CCDC60: variants seen among roughly 807,000 people sequenced by gnomAD.
CCDC60 encodes the protein coiled-coil domain-containing protein 60.
A neutral mutation model predicts 63.5 loss-of-function variants in CCDC60; 54 were observed. The ratio of observed to expected loss-of-function variants is 0.85; its 90% CI spans 0.68 to 1.07. CCDC60 has a LOEUF of 1.07. Among genes scored for constraint, CCDC60 ranks in the 50% least tolerant of loss-of-function variants. The probability of loss-of-function intolerance (pLI) is 0.00; values close to 1 mark genes in which losing one functional copy is unlikely to be tolerated. For missense variants in CCDC60, 651 were observed against 684.3 expected, an observed-to-expected ratio of 0.95 and a Z score of 0.54; for synonymous variants, 206 against 238.8, an observed-to-expected ratio of 0.86 and a Z score of 1.27.
chr12:119,346,792 C>CTT (rs1328619930), intron 1 of CCDC60, among the ~76,000 whole-genome samples: 1 of 116,488 alleles, frequency 8.6e-6, no homozygotes, highest in Non-Finnish European at 1.9e-5. Context: ...TTCTTTCTTT[C>CTT]TTTCTTTCTT....
chr12:119,505,816 C>T (rs745564906), intron 7 of CCDC60, among the ~76,000 whole-genome samples: 1 of 152,188 alleles, frequency 6.6e-6, no homozygotes, highest in Non-Finnish European at 1.5e-5. Context: ...GATCATGCCA[C>T]TGCACTCCAG....
chr12:119,362,112 A>G (rs1955797210), intron 1 of CCDC60, among the ~76,000 whole-genome samples: 1 of 152,166 alleles, frequency 6.6e-6, no homozygotes. Flanking sequence ...CATCTATCTT[A>G]TATCTATAGC....
chr12:119,398,083 C>T (rs1448796779), intron 1 of CCDC60, among the ~76,000 whole-genome samples: 4 of 40,164 alleles, frequency 1.0e-4, no homozygotes, highest in Non-Finnish European at 1.8e-4. Flanking sequence ...GAAGGGGCCG[C>T]GGGGGGAGGA....
At chr12:119,398,234 G>C (rs1189389668) in intron 1 of CCDC60, among the ~76,000 whole-genome samples, 1 of 151,770 alleles carries the variant, frequency 6.6e-6, no homozygotes, top group African/African-American at 2.4e-5. Flanking sequence ...GGTGCGGGCA[G>C]GCCGGCAGTG....
chr12:119,445,000 AAT>A (rs1476331488), intron 2 of CCDC60, among the ~76,000 whole-genome samples: 1 of 151,994 alleles, frequency 6.6e-6, no homozygotes, highest in Non-Finnish European at 1.5e-5. Context: ...TGTGGAAGGC[AAT>A]GTTTCCCCAA....
intron 1 of CCDC60, among the ~76,000 whole-genome samples, chr12:119,416,846 C>T (rs749443433): frequency 1.3e-5 from 2 of 152,060 alleles, no homozygotes; most frequent in African/African-American, 2.4e-5. Flanking sequence ...CCCGGCCGGT[C>T]GACGTGGCTC....
intron 5 of CCDC60, among the ~76,000 whole-genome samples, chr12:119,497,463 A>G (rs1299655084): frequency 2.0e-5 from 3 of 152,196 alleles, no homozygotes; most frequent in African/African-American, 7.2e-5. Flanking sequence ...CGAGCTTTTT[A>G]AGGTCTGTGG....
In CCDC60 at chr12:119,386,798, G is replaced by A. The variant is rs149571093; in HGVS notation, c.91-41885G>A. ...CTGGAAGGCAATTACGAAACAGTCC[G>A]TGCCTACAACTCAGTCATTACCAAC... On this transcript the variant is annotated intron_variant, in intron 1 of 13. Coordinates refer to ENST00000327554, the MANE Select transcript of CCDC60 (RefSeq NM_178499.5). 1.3e-3 allele frequency among the ~76,000 whole-genome samples: 192 copies of A among 152,248 alleles called. 1 individual carries two copies. The highest frequency in any genetic ancestry group is 4.3e-3 in the African/African-American group (179 of 41,538).
chr12:119,468,401 A>T lies in CCDC60; in HGVS notation c.171-3593A>T, dbSNP rs114637449. ...CACTCATTTGCTTTTGCACAATTTT[A>T]TACATAAGAAAACTGAGAGATTATT... On this transcript the variant is annotated intron_variant, in intron 2 of 13. Transcript: ENST00000327554. 2.6e-5 allele frequency among the ~76,000 whole-genome samples: 4 copies of T among 152,356 alleles called. No individual in the cohort carries two copies. In the South Asian group the frequency reaches 8.3e-4, roughly 32 times the overall value.
intron 6 of CCDC60, 83 bp from the exon 7 acceptor site, chr12:119,504,986 C>G: frequency 1.9e-6 from 2 of 1,042,410 alleles, no homozygotes; most frequent in Non-Finnish European, 2.8e-6. Flanking sequence ...TCCCTCCCCA[C>G]CTTCCTCCTT....
chr12:119,507,572 AT>A (rs1952063036), intron 7 of CCDC60, among the ~76,000 whole-genome samples: 1 of 37,572 alleles, frequency 2.7e-5, no homozygotes, highest in Non-Finnish European at 3.9e-5. Context: ...ATATATATGT[AT>A]ATATACACAT....
intron 8 of CCDC60, among the ~76,000 whole-genome samples, chr12:119,519,855 A>T (rs693556): frequency 0.38 from 48,717 of 126,676 alleles, 8,268 homozygotes; most frequent in East Asian, 0.68. Context: ...AGAGAGAGAG[A>T]GTGTGTGTGT....
At chr12:119,379,556 T>C (rs926052655) in intron 1 of CCDC60, among the ~76,000 whole-genome samples, 14 of 152,320 alleles carry the variant, frequency 9.2e-5, no homozygotes, top group Middle Eastern at 3.4e-3. Flanking sequence ...AAATAGACAC[T>C]CTAATAATCA....
intron 5 of CCDC60, among the ~76,000 whole-genome samples, chr12:119,498,448 T>A (rs913959981): frequency 1.3e-5 from 2 of 152,184 alleles, no homozygotes; most frequent in African/African-American, 4.8e-5. Context: ...TTCTGCTGCC[T>A]CAGCCTCCAG....
At chr12:119,505,047 C>T in intron 6 of CCDC60, 22 bp from the exon 7 acceptor site, 1 of 1,546,736 alleles carries the variant, frequency 6.5e-7, no homozygotes, top group South Asian at 1.2e-5. Context: ...CCTGAAACCT[C>T]TCTTTCTTCT....
chr12:119,465,107 C>T (rs1157920455), intron 2 of CCDC60, among the ~76,000 whole-genome samples: 2 of 151,144 alleles, frequency 1.3e-5, no homozygotes, highest in African/African-American at 2.4e-5. Context: ...GTCAGGAGAT[C>T]GAGACCATCC....
At chr12:119,446,244 A>G (rs970047869) in intron 2 of CCDC60, among the ~76,000 whole-genome samples, 2 of 152,202 alleles carry the variant, frequency 1.3e-5, no homozygotes, top group African/African-American at 4.8e-5. Flanking sequence ...CTGAATCTCT[A>G]TCCTTGCTCT....
chr12:119,450,800 G>A (rs1259361377), intron 2 of CCDC60, among the ~76,000 whole-genome samples: 10 of 151,766 alleles, frequency 6.6e-5, no homozygotes, highest in African/African-American at 2.4e-4. Flanking sequence ...GGAGGTTGCG[G>A]TGAGCTGAGT....
chr12:119,508,572 C>T (rs561663455), intron 7 of CCDC60, among the ~76,000 whole-genome samples: 7 of 151,976 alleles, frequency 4.6e-5, no homozygotes, highest in African/African-American at 7.3e-5. Flanking sequence ...AGAGAGAGAC[C>T]GTTGGTGGGC....
Sources: allele counts gnomAD v4.1 joint callset (sites outside exome capture counted in the v4.1 genomes callset), GRCh38; gene constraint gnomAD v4.1.1; transcripts MANE v1.5; gene names NCBI Gene and HGNC (gene_info 2026-07-23, HGNC 2026-07-21).